The following MAP3K9 variants were observed in gnomAD, a reference collection of about 807,000 sequenced individuals.
MAP3K9 encodes mixed lineage kinase 1 (tyr and ser/thr specificity).
MAP3K9 carries 46 observed loss-of-function variants against 95.8 expected under a neutral mutation model. The ratio of observed to expected loss-of-function variants is 0.48; its 90% CI spans 0.38 to 0.61. The LOEUF is 0.61. Ranked by LOEUF, MAP3K9 falls within the 20% of genes least tolerant of loss-of-function variation. The probability of loss-of-function intolerance (pLI) is 0.00; values close to 1 mark genes in which losing one functional copy is unlikely to be tolerated. For missense variants in MAP3K9, 1,296 were observed against 1,474.3 expected (o/e 0.88, Z 1.98); for synonymous variants, 533 against 593.8 (o/e 0.90, Z 1.49).
intron 3 of MAP3K9, among the ~76,000 whole-genome samples, chr14:70,754,378 C>T (rs563707421): frequency 2.5e-4 from 38 of 152,292 alleles, no homozygotes; most frequent in Middle Eastern, 3.4e-3. Context: ...AATATCAATA[C>T]GCATTATCTC....
Position 70,727,985 on chromosome 14 carries a change from ACT to A in MAP3K9, c.*2393_*2394del, listed in dbSNP as rs1256690458. On this transcript the variant is annotated 3_prime_UTR_variant, in exon 12 of 12. Transcript: ENST00000554752. The stretch of plus-strand genomic sequence containing the variant: ...AAATCTCTGCTTCATACCACAGAGC[ACT>A]GTGTATAGGCAGCATGGTTTGGAGG... 2.0e-5 allele frequency: 3 copies of A among 152,230 alleles called. No homozygotes were observed. The highest frequency in any genetic ancestry group is 7.2e-5 in the African/African-American group (3 of 41,448). The allele number at this position is 152,230 out of a possible 1,614,324, so 9.4% of individuals were successfully genotyped here.
intron 3 of MAP3K9, among the ~76,000 whole-genome samples, chr14:70,758,920 G>A (rs942119186): frequency 3.3e-5 from 5 of 152,178 alleles, no homozygotes; most frequent in Admixed American, 1.3e-4. Flanking sequence ...GCGCCACCAC[G>A]CCTAGCTAAT....
In MAP3K9 at chr14:70,725,526, C is replaced by T. The variant is rs1284717957; in HGVS notation, c.*4854G>A. On this transcript the variant is annotated 3_prime_UTR_variant, in exon 12 of 12. Transcript: ENST00000554752. ...CTCCTCCTGCCTTCCAACACCAGCA[C>T]CTGAGTGGTGAGCACCCACCCAGGT... The T allele has an allele frequency of 6.6e-6, 1 of 152,182 alleles. No homozygotes were observed. Among genetic ancestry groups the T allele is most frequent in the Non-Finnish European group, 1.5e-5 (1 of 68,050 alleles). The allele number at this position is 152,182 out of a possible 1,614,324, so 9.4% of individuals were successfully genotyped here.
chr14:70,739,938 GA>G (rs2054045120), intron 7 of MAP3K9, 103 bp downstream of exon 7: 1 of 1,614,164 alleles, frequency 6.2e-7, no homozygotes. Context: ...AGAGGTGGCA[GA>G]AGTTATGGAT....
rs527545996 is a variant in MAP3K9 at position 70,801,534 on chromosome 14, G to A, written c.407-454C>T. On this transcript the variant is annotated intron_variant, in intron 1 of 11. Transcript: ENST00000554752. ...CCCAAAGTGCTGGGATTACAGGCAT[G>A]AGCCACTGCACCTGGCCGAGATCCT... Among the ~76,000 whole-genome samples the A allele has an allele frequency of 3.1e-3, 474 of 152,326 alleles. 2 individuals carry two copies. The highest frequency in any genetic ancestry group is 4.7e-3 in the Non-Finnish European group (323 of 68,036).
intron 2 of MAP3K9, among the ~76,000 whole-genome samples, chr14:70,785,572 G>C (rs767313271): frequency 6.6e-6 from 1 of 151,830 alleles, no homozygotes; most frequent in Non-Finnish European, 1.5e-5. Context: ...ATGAGATGAA[G>C]TGCGCGGTAG....
intron 2 of MAP3K9, among the ~76,000 whole-genome samples, chr14:70,779,928 C>T (rs143133069): frequency 4.8e-4 from 73 of 152,330 alleles, no homozygotes; most frequent in African/African-American, 1.3e-3. Flanking sequence ...CTAAGAATGA[C>T]GTCAGAGGAG....
At chr14:70,756,103 T>A (rs1359382380) in intron 3 of MAP3K9, among the ~76,000 whole-genome samples, 3 of 152,146 alleles carry the variant, frequency 2.0e-5, no homozygotes, top group Non-Finnish European at 4.4e-5. Flanking sequence ...AGTTGAAAGG[T>A]CCTGCCCTTG....
At chr14:70,802,595 C>A (rs181710250) in intron 1 of MAP3K9, among the ~76,000 whole-genome samples, 1 of 152,220 alleles carries the variant, frequency 6.6e-6, no homozygotes, top group Non-Finnish European at 1.5e-5. Flanking sequence ...GATTCATACT[C>A]ATACCTCAGG....
chr14:70,736,763 T>C (rs1475237307), intron 8 of MAP3K9, among the ~76,000 whole-genome samples: 1 of 152,186 alleles, frequency 6.6e-6, no homozygotes, highest in Non-Finnish European at 1.5e-5. Context: ...CTACAAAACT[T>C]AGTAGAAGAA....
intron 2 of MAP3K9, among the ~76,000 whole-genome samples, chr14:70,799,400 C>A (rs1213038035): frequency 6.6e-6 from 1 of 152,176 alleles, no homozygotes; most frequent in Non-Finnish European, 1.5e-5. Flanking sequence ...AGTGCAGAGG[C>A]ACAATCTCGG....
intron 5 of MAP3K9, among the ~76,000 whole-genome samples, chr14:70,747,512 G>A (rs1341669025): frequency 6.6e-6 from 1 of 152,172 alleles, no homozygotes; most frequent in African/African-American, 2.4e-5. Flanking sequence ...TTTATTAGCA[G>A]CATGAGAATA....
At position 70,809,041 on chromosome 14, in the gene MAP3K9, C is replaced by T. The variant is rs1365322420; in HGVS notation, c.131G>A (p.Gly44Asp). The change falls in exon 1 of 12, where the codon GGC (glycine) becomes GAC (aspartate). Residue 44 changes from glycine (G) to aspartate (D), a missense_variant. Gly to Asp is a moderately conservative substitution (Grantham distance 94). Around this residue, in one of 5 missense-constraint regions of MAP3K9, gnomAD observed 338 missense variants for 363.4 expected, o/e 0.93. Transcript: ENST00000554752. ...EEEEEAAAAV[G>D]PGELGCDAPL... is the part of the protein sequence containing the mutation. ...CGCGTCGCAGCCCAGCTCCCCGGGG[C>T]CCACCGCCGCCGCCGCCTCCTCCTC... The T allele has an allele frequency of 6.8e-7, 1 of 1,465,904 alleles. No individual in the cohort carries two copies. Among genetic ancestry groups the T allele is most frequent in the Admixed American group, 2.3e-5 (1 of 43,322 alleles). 90.8% of individuals were successfully genotyped at this position (1,465,904 alleles called of 1,614,324 possible). A position where few individuals can be genotyped will look rare whatever the true frequency, so the allele number is the denominator to read the frequency against.
At position 70,722,570 on chromosome 14, in the gene MAP3K9, T is replaced by C. The variant is rs563573723; in HGVS notation, c.*7810A>G. The stretch of plus-strand genomic sequence containing the variant: ...ATTCAAGTCTCTGTGTGCTCTGGCA[T>C]TGAGACCAGGCTGAGATCAGCATTA... On this transcript the variant is annotated 3_prime_UTR_variant, in exon 12 of 12. Coordinates refer to ENST00000554752, the MANE Select transcript of MAP3K9 (RefSeq NM_001284230.2). The C allele has an allele frequency of 9.9e-5, 15 of 152,222 alleles. No individual in the cohort carries two copies. The highest frequency in any genetic ancestry group is 2.6e-4 in the African/African-American group (11 of 41,516). 9.4% of individuals were successfully genotyped at this position (152,222 alleles called of 1,614,324 possible). A position where few individuals can be genotyped will look rare whatever the true frequency, so the allele number is the denominator to read the frequency against.
intron 9 of MAP3K9, among the ~76,000 whole-genome samples, chr14:70,735,249 G>A (rs755655177): frequency 1.2e-4 from 18 of 152,278 alleles, no homozygotes; most frequent in South Asian, 2.1e-4. Flanking sequence ...TTGTAGGAGG[G>A]GGGAACCAGA....
At chr14:70,767,792 G>A (rs968804447) in intron 2 of MAP3K9, among the ~76,000 whole-genome samples, 2 of 152,112 alleles carry the variant, frequency 1.3e-5, no homozygotes, top group African/African-American at 4.8e-5. Flanking sequence ...GGGCTCAAGC[G>A]TTTCTCCACC....
At position 70,761,136 on chromosome 14, in the gene MAP3K9, A is replaced by T; in HGVS notation, c.867T>A (p.Ile289=). Reference sequence around the variant, plus strand: ...CCAGGCCAAAATCAGTGATCTTCAGAATCTTGTTGCTCAGGTCTCCATTCT... The same window carrying T: ...CCAGGCCAAAATCAGTGATCTTCAGTATCTTGTTGCTCAGGTCTCCATTCT... ...KVENGDLSNK[I]LKITDFGLAR... is the part of the protein sequence containing the mutation. Residue 289 remains isoleucine (I), a synonymous_variant, in exon 3 of 12, where the codon ATT becomes ATA. Transcript: ENST00000554752. 6.2e-7 allele frequency: 1 copy of T among 1,613,998 alleles called. No individual in the cohort carries two copies. Among genetic ancestry groups the T allele is most frequent in the Non-Finnish European group, 8.5e-7 (1 of 1,179,960 alleles).
intron 5 of MAP3K9, among the ~76,000 whole-genome samples, chr14:70,742,974 A>C (rs1056354949): frequency 3.3e-5 from 5 of 150,594 alleles, no homozygotes; most frequent in African/African-American, 1.2e-4. Flanking sequence ...ATTTATTTAC[A>C]GACTTGGTTG....
chr14:70,764,002 G>A, intron 2 of MAP3K9, among the ~76,000 whole-genome samples: 1 of 149,442 alleles, frequency 6.7e-6, no homozygotes, highest in Non-Finnish European at 1.5e-5. Flanking sequence ...TGGCTAACAA[G>A]GTGAAACCCC....
Sources: allele counts gnomAD v4.1 joint callset (sites outside exome capture counted in the v4.1 genomes callset), GRCh38; gene constraint gnomAD v4.1.1; regional missense constraint gnomAD v4.1.1; transcripts MANE v1.5; gene names NCBI Gene and HGNC (gene_info 2026-07-23, HGNC 2026-07-21).